Variants in SLC25A30 observed in about 807,000 individuals in gnomAD.
The protein encoded by SLC25A30 is solute carrier family 25 member 30.
SLC25A30 carries 29 observed loss-of-function variants against 42.7 expected under a neutral mutation model. That is an observed-to-expected ratio of 0.68 (90% confidence interval 0.51 to 0.93). The LOEUF is 0.93. Ranked by LOEUF, SLC25A30 falls within the 40% of genes least tolerant of loss-of-function variation. SLC25A30 has a pLI of 0.00. For missense variants in SLC25A30, 300 were observed against 359.7 expected, an observed-to-expected ratio of 0.83 and a Z score of 1.34; for synonymous variants, 124 against 131.0, an observed-to-expected ratio of 0.95 and a Z score of 0.37.
In SLC25A30 at chr13:45,396,050, C is replaced by G. The variant is rs1366820249; in HGVS notation, c.835-35G>C. The G allele has an allele frequency of 9.3e-6, 15 of 1,614,124 alleles. No individual in the cohort carries two copies. In the South Asian group the frequency reaches 1.6e-4, roughly 18 times the overall value. Reference sequence around the variant, plus strand: ...TGGGTTAAGGATGACACAGAAAATGCCATCTTCACAACTCCAGTGCATAAC... The same window carrying G: ...TGGGTTAAGGATGACACAGAAAATGGCATCTTCACAACTCCAGTGCATAAC... On this transcript the variant is annotated intron_variant, in intron 9 of 9. Transcript: ENST00000519676.
intron 6 of SLC25A30, among the ~76,000 whole-genome samples, chr13:45,401,559 C>T (rs1175865432): frequency 6.6e-6 from 1 of 151,954 alleles, no homozygotes; most frequent in Admixed American, 6.6e-5. Flanking sequence ...AAATAACACT[C>T]TACACCACAT....
chr13:45,429,701 G>A, the SLC25A30 span, among the ~76,000 whole-genome samples: 1 of 151,882 alleles, frequency 6.6e-6, no homozygotes, highest in Non-Finnish European at 1.5e-5. Context: ...TGGGCATGGT[G>A]GGAAGTGCCT....
chr13:45,426,852 G>A, the SLC25A30 span, among the ~76,000 whole-genome samples: 1 of 152,100 alleles, frequency 6.6e-6, no homozygotes, highest in Non-Finnish European at 1.5e-5. Flanking sequence ...GGTTCCCTAC[G>A]AGGATAATTT....
intron 6 of SLC25A30, 32 bp from the exon 7 acceptor site, chr13:45,401,239 C>G: frequency 1.2e-6 from 2 of 1,609,856 alleles, no homozygotes; most frequent in South Asian, 2.2e-5. Context: ...AAAAATGATT[C>G]TGATATGCCT....
At chr13:45,401,271 T>C in intron 6 of SLC25A30, 64 bp from the exon 7 acceptor site, 1 of 1,531,490 alleles carries the variant, frequency 6.5e-7, no homozygotes, top group East Asian at 2.3e-5. Flanking sequence ...GCCTTGCAAA[T>C]GTGCAAAGGT....
intron 8 of SLC25A30, 146 bp downstream of exon 8, chr13:45,398,794 T>A: frequency 1.4e-6 from 1 of 700,446 alleles, no homozygotes; most frequent in Admixed American, 3.3e-5. Context: ...CTAAGCACAG[T>A]GTGGCAAAAA....
At chr13:45,410,619 C>T (rs1338384001) in intron 2 of SLC25A30, among the ~76,000 whole-genome samples, 1 of 152,076 alleles carries the variant, frequency 6.6e-6, no homozygotes, top group Non-Finnish European at 1.5e-5. Flanking sequence ...CGAGACCAGC[C>T]TGGGCAACAT....
chr13:45,401,055 A>G, intron 7 of SLC25A30, 28 bp downstream of exon 7: 2 of 1,552,816 alleles, frequency 1.3e-6, no homozygotes, highest in Non-Finnish European at 1.7e-6. Context: ...GAATTTCTAT[A>G]ATTTTTTAAA....
chr13:45,421,379 C>CAAAAAA (rs368665089), upstream of SLC25A30, among the ~76,000 whole-genome samples: 1 of 83,350 alleles, frequency 1.2e-5, no homozygotes, highest in African/African-American at 4.9e-5. Context: ...ACTCCATCTC[C>CAAAAAA]AAAAAAAAAA....
At position 45,403,855 on chromosome 13, in the gene SLC25A30, G is replaced by C. The variant is rs1272269055; in HGVS notation, c.393+472C>G. Among the ~76,000 whole-genome samples the C allele has an allele frequency of 2.0e-5, 3 of 150,824 alleles. No homozygotes were observed. The East Asian group carries it at 5.9e-4, about 29-fold the overall frequency. On this transcript the variant is annotated intron_variant, in intron 5 of 9. Coordinates refer to ENST00000519676, the MANE Select transcript of SLC25A30 (RefSeq NM_001010875.4). ...GGAGGCTAAGGCAGGAGAATCGCTT[G>C]AACCCAGCAGGGTGGAGGTTGCAGT... is the stretch of plus-strand genomic sequence containing the variant.
At chr13:45,408,844 G>T in intron 3 of SLC25A30, 83 bp downstream of exon 3, 4 of 1,249,488 alleles carry the variant, frequency 3.2e-6, no homozygotes, top group Non-Finnish European at 4.2e-6. Context: ...CTTTTTACTT[G>T]TGATCTGTGC....
At chr13:45,420,214 A>ATC (rs1284415915), upstream of SLC25A30, 2 of 152,122 alleles carry the variant, frequency 1.3e-5, no homozygotes, top group Non-Finnish European at 2.9e-5. Flanking sequence ...GCCCAGGGCC[A>ATC]TCTCTCTCTC....
At chr13:45,415,830 C>T (rs1883477666) in intron 1 of SLC25A30, among the ~76,000 whole-genome samples, 1 of 135,368 alleles carries the variant, frequency 7.4e-6, no homozygotes, top group Non-Finnish European at 1.6e-5. Flanking sequence ...GACTGAGTCT[C>T]GCTCTTTCAC....
At chr13:45,428,192 GTTCT>G in the SLC25A30 span, among the ~76,000 whole-genome samples, 26 of 151,816 alleles carry the variant, frequency 1.7e-4, no homozygotes, top group South Asian at 2.1e-3. Flanking sequence ...ATTTGTTCAT[GTTCT>G]TTCTTTCTTT....
the SLC25A30 span, among the ~76,000 whole-genome samples, chr13:45,424,811 A>ATATATATAAAAATATATATACATAT: frequency 1.8e-5 from 1 of 54,390 alleles, no homozygotes; most frequent in East Asian, 3.9e-4. Context: ...TATATAAAAA[A>ATATATATAAAAATATATATACATAT]ATATAAATAT....
the SLC25A30 span, among the ~76,000 whole-genome samples, chr13:45,431,730 A>G: frequency 1.3e-5 from 2 of 152,054 alleles, no homozygotes; most frequent in African/African-American, 4.8e-5. Context: ...TTGCTACTCC[A>G]GACTCACATA....
chr13:45,399,769 C>A (rs1304808175), intron 7 of SLC25A30, among the ~76,000 whole-genome samples: 2 of 151,850 alleles, frequency 1.3e-5, no homozygotes, highest in Non-Finnish European at 2.9e-5. Context: ...ATATCATTTC[C>A]TAGATATCAA....
At chr13:45,425,767 A>G in the SLC25A30 span, among the ~76,000 whole-genome samples, 71 of 145,106 alleles carry the variant, frequency 4.9e-4, no homozygotes, top group South Asian at 1.1e-3. Flanking sequence ...AACTCGGCTC[A>G]CTGCCGTCTC....
chr13:45,424,827 AAT>A, the SLC25A30 span, among the ~76,000 whole-genome samples: 8 of 54,882 alleles, frequency 1.5e-4, 3 homozygotes, highest in East Asian at 4.6e-4. Flanking sequence ...AATATATAAA[AAT>A]ATATATATAA....
Sources: allele counts gnomAD v4.1 joint callset (sites outside exome capture counted in the v4.1 genomes callset), GRCh38; gene constraint gnomAD v4.1.1; transcripts MANE v1.5; gene names NCBI Gene and HGNC (gene_info 2026-07-23, HGNC 2026-07-21).